The following FBXW7 variants were observed in gnomAD, a reference collection of about 807,000 sequenced individuals.
The protein encoded by FBXW7 is F-box/WD repeat-containing protein 7.
FBXW7 carries 11 observed loss-of-function variants against 86.3 expected under a neutral mutation model. The ratio of observed to expected loss-of-function variants is 0.13; its 90% CI spans 0.08 to 0.21. The LOEUF is 0.21. Among genes scored for constraint, FBXW7 ranks in the 10% least tolerant of loss-of-function variants. The probability of loss-of-function intolerance (pLI) is 1.00; values close to 1 mark genes in which losing one functional copy is unlikely to be tolerated. For missense variants in FBXW7, 488 were observed against 847.4 expected (o/e 0.58, Z 5.27); for synonymous variants, 313 against 297.9 (o/e 1.05, Z -0.52).
At chr4:152,400,287 A>T (rs996787862) in intron 4 of FBXW7, among the ~76,000 whole-genome samples, 2 of 152,174 alleles carry the variant, frequency 1.3e-5, no homozygotes, top group South Asian at 4.1e-4. Flanking sequence ...ATTAACTCAA[A>T]ATGGATCATA....
At chr4:152,397,266 T>A (rs1364483757) in intron 4 of FBXW7, among the ~76,000 whole-genome samples, 1 of 151,978 alleles carries the variant, frequency 6.6e-6, no homozygotes, top group Non-Finnish European at 1.5e-5. Context: ...CTAAAGTATA[T>A]CTAAGGAAGA....
rs557132252 is a variant in FBXW7, at chr4:152,408,560, A to G, written c.501+2743T>C. Among the ~76,000 whole-genome samples, 3 of 152,314 alleles carry G rather than the reference A, an allele frequency of 2.0e-5. No individual in the cohort carries two copies. The East Asian group carries it at 5.8e-4, about 29-fold the overall frequency. Reference sequence around the variant, plus strand: ...TTAGCCTTGAGCTGTAAAATCTTCAATAATGTTTTGTTAAGTGCCACAAAG... The same window carrying G: ...TTAGCCTTGAGCTGTAAAATCTTCAGTAATGTTTTGTTAAGTGCCACAAAG... On this transcript the variant is annotated intron_variant, in intron 4 of 13. Coordinates refer to ENST00000281708, the MANE Select transcript of FBXW7 (RefSeq NM_001349798.2).
intron 2 of FBXW7, among the ~76,000 whole-genome samples, chr4:152,443,197 G>T (rs1292814481): frequency 6.6e-6 from 1 of 152,154 alleles, no homozygotes; most frequent in East Asian, 1.9e-4. Flanking sequence ...GGGAGGCGGA[G>T]GTTGTGGTGA....
chr4:152,340,520 G>A (rs1318495098), intron 6 of FBXW7, among the ~76,000 whole-genome samples: 1 of 144,852 alleles, frequency 6.9e-6, no homozygotes. Context: ...AGCTTGCAGT[G>A]AGCCGAGATT....
At chr4:152,330,358 A>C (rs370784085) in intron 9 of FBXW7, among the ~76,000 whole-genome samples, 17 of 151,896 alleles carry the variant, frequency 1.1e-4, no homozygotes, top group African/African-American at 2.2e-4. Context: ...AAGACACACA[A>C]AAGTCACCAA....
chr4:152,486,419 ATT>A (rs1745344573), intron 2 of FBXW7, among the ~76,000 whole-genome samples: 1 of 152,154 alleles, frequency 6.6e-6, no homozygotes, highest in African/African-American at 2.4e-5. Context: ...GCACAAAAAT[ATT>A]TTCTTTCCTT....
At chr4:152,349,224 T>TA (rs1731563844) in intron 5 of FBXW7, among the ~76,000 whole-genome samples, 2 of 151,936 alleles carry the variant, frequency 1.3e-5, no homozygotes, top group South Asian at 4.1e-4. Context: ...AGAAATGTCA[T>TA]AACCATGAAG....
chr4:152,389,439 A>G (rs1200249869), intron 4 of FBXW7, among the ~76,000 whole-genome samples: 1 of 152,148 alleles, frequency 6.6e-6, no homozygotes, highest in African/African-American at 2.4e-5. Context: ...AGCTATAAAA[A>G]AGAATGAAAT....
chr4:152,359,318 A>C (rs1397614473), intron 4 of FBXW7, among the ~76,000 whole-genome samples: 1 of 152,100 alleles, frequency 6.6e-6, no homozygotes, highest in Non-Finnish European at 1.5e-5. Context: ...ATAAGAAATG[A>C]GGCTGGGTGT....
chr4:152,516,329 G>T (rs2149722311), intron 2 of FBXW7, among the ~76,000 whole-genome samples: 1 of 152,298 alleles, frequency 6.6e-6, no homozygotes, highest in African/African-American at 2.4e-5. Flanking sequence ...ATCAGCTGTG[G>T]CATTAGAGTC....
chr4:152,469,452 T>A (rs1579287918), intron 2 of FBXW7, among the ~76,000 whole-genome samples: 1 of 152,152 alleles, frequency 6.6e-6, no homozygotes, highest in East Asian at 1.9e-4. Context: ...CTACAAAATT[T>A]TTCATATTTT....
At chr4:152,378,774 G>A (rs1010036470) in intron 4 of FBXW7, among the ~76,000 whole-genome samples, 5 of 152,228 alleles carry the variant, frequency 3.3e-5, no homozygotes, top group South Asian at 2.1e-4. Context: ...AGGCTGAGGC[G>A]AGCAGATAAA....
Position 152,499,215 on chromosome 4 carries a change from A to G in FBXW7, c.-120+35726T>C, listed in dbSNP as rs116057692. ...GTCACTGCTACCTCTAAACAGCTCA[A>G]TATCTTGTCACTCAACATGCACATT... On this transcript the variant is annotated intron_variant, in intron 2 of 13. Coordinates refer to ENST00000281708, the MANE Select transcript of FBXW7 (RefSeq NM_001349798.2). 1.3e-3 allele frequency among the ~76,000 whole-genome samples: 204 copies of G among 152,220 alleles called. 1 individual carries two copies. The highest frequency in any genetic ancestry group is 4.6e-3 in the African/African-American group (192 of 41,526).
In FBXW7 at chr4:152,434,561, T is replaced by C. The variant is rs185839257; in HGVS notation, c.-119-22032A>G. ...TCTATGTCCCCAACTTTCTCCTGAA[T>C]GTTCCACCACTATTTACTGACTTTT... On this transcript the variant is annotated intron_variant, in intron 2 of 13. Coordinates refer to ENST00000281708, the MANE Select transcript of FBXW7 (RefSeq NM_001349798.2). 2.6e-5 allele frequency among the ~76,000 whole-genome samples: 4 copies of C among 152,332 alleles called. No homozygotes were observed. The East Asian group carries it at 5.8e-4, about 22-fold the overall frequency.
chr4:152,450,098 A>T (rs1741774497), intron 2 of FBXW7, among the ~76,000 whole-genome samples: 2 of 152,246 alleles, frequency 1.3e-5, no homozygotes, highest in South Asian at 4.1e-4. Flanking sequence ...AAAAAGATCC[A>T]GCACTGCCTC....
intron 2 of FBXW7, among the ~76,000 whole-genome samples, chr4:152,460,130 T>G (rs1036183542): frequency 2.0e-5 from 3 of 152,248 alleles, no homozygotes; most frequent in Non-Finnish European, 4.4e-5. Flanking sequence ...GCAAATTTTA[T>G]TTTGTACATA....
chr4:152,382,130 A>C, intron 4 of FBXW7: 1 of 1,281,300 alleles, frequency 7.8e-7, no homozygotes, highest in Non-Finnish European at 1.1e-6. Flanking sequence ...TTTCACTAAA[A>C]GAGGCCAAGG....
intron 2 of FBXW7, among the ~76,000 whole-genome samples, chr4:152,459,038 C>T (rs759933507): frequency 4.8e-4 from 73 of 152,154 alleles, no homozygotes; most frequent in Non-Finnish European, 1.6e-4. Context: ...TAGCTACTTC[C>T]TCTCTGTATA....
chr4:152,458,391 T>G (rs1402829867), intron 2 of FBXW7, among the ~76,000 whole-genome samples: 1 of 152,220 alleles, frequency 6.6e-6, no homozygotes, highest in Non-Finnish European at 1.5e-5. Context: ...CACATCTATT[T>G]TCATCTTTTA....
Sources: gnomAD v4.1 joint callset for allele counts (sites outside exome capture counted in the v4.1 genomes callset) on GRCh38, gnomAD v4.1.1 for gene constraint, MANE v1.5 for transcripts, NCBI Gene and HGNC (gene_info 2026-07-23, HGNC 2026-07-21) for gene names.